CTNND2: variants seen among roughly 807,000 people sequenced by gnomAD.
CTNND2 encodes the protein catenin delta-2.
A neutral mutation model predicts 144.4 loss-of-function variants in CTNND2; 22 were observed. The observed-to-expected ratio is 0.15, with a 90% CI of 0.11 to 0.22. CTNND2 has a LOEUF of 0.22. Among genes scored for constraint, CTNND2 ranks in the 10% least tolerant of loss-of-function variants. The pLI is 1.00. For missense variants in CTNND2, 1,353 were observed against 1,618.8 expected (o/e 0.84, Z 2.82); for synonymous variants, 751 against 695.6 (o/e 1.08, Z -1.25).
At chr5:11,068,641 C>T (rs1355250222) in intron 16 of CTNND2, among the ~76,000 whole-genome samples, 3 of 152,308 alleles carry the variant, frequency 2.0e-5, no homozygotes, top group East Asian at 1.9e-4. Context: ...CTAGGCCAGG[C>T]GCGGTGGCTC....
intron 7 of CTNND2, among the ~76,000 whole-genome samples, chr5:11,366,098 G>C (rs1756956534): frequency 6.6e-6 from 1 of 152,198 alleles, no homozygotes; most frequent in Admixed American, 6.5e-5. Flanking sequence ...TGTCGGGACA[G>C]CTCTCCTTCC....
At chr5:11,822,518 T>A (rs1034868516) in intron 1 of CTNND2, among the ~76,000 whole-genome samples, 1 of 152,092 alleles carries the variant, frequency 6.6e-6, no homozygotes, top group East Asian at 1.9e-4. Flanking sequence ...AATTTCCGCA[T>A]CCTGGTATTC....
At chr5:11,831,024 A>G (rs1379179874) in intron 1 of CTNND2, among the ~76,000 whole-genome samples, 3 of 152,180 alleles carry the variant, frequency 2.0e-5, no homozygotes, top group Non-Finnish European at 4.4e-5. Flanking sequence ...TAAGACAATA[A>G]TGCAAGAAAT....
intron 15 of CTNND2, among the ~76,000 whole-genome samples, chr5:11,092,390 A>G (rs1366330402): frequency 1.3e-5 from 2 of 152,232 alleles, no homozygotes; most frequent in African/African-American, 4.8e-5. Flanking sequence ...AAATTAATGC[A>G]AAACTATTAA....
At chr5:11,708,190 G>GT (rs1273951647) in intron 2 of CTNND2, among the ~76,000 whole-genome samples, 1 of 151,858 alleles carries the variant, frequency 6.6e-6, no homozygotes, top group African/African-American at 2.4e-5. Context: ...GGGACTACAG[G>GT]TGCATGCCAC....
intron 1 of CTNND2, among the ~76,000 whole-genome samples, chr5:11,901,933 T>G (rs1737924208): frequency 6.6e-6 from 1 of 152,122 alleles, no homozygotes; most frequent in South Asian, 2.1e-4. Context: ...TGAAAGAAAT[T>G]TTATATTAAA....
chr5:11,165,371 A>G (rs1029801266), intron 11 of CTNND2, among the ~76,000 whole-genome samples: 73 of 152,206 alleles, frequency 4.8e-4, no homozygotes, highest in African/African-American at 1.7e-3. Flanking sequence ...CAATCTGAGG[A>G]AAAACTATAA....
rs878994416 is a variant in CTNND2 at position 11,541,846 on chromosome 5, C to A, written c.287+23098G>T. 8.5e-4 allele frequency among the ~76,000 whole-genome samples: 124 copies of A among 145,460 alleles called. 3 individuals are homozygous for A. Among genetic ancestry groups the A allele is most frequent in the Admixed American group, 2.6e-3 (39 of 14,782 alleles). On this transcript the variant is annotated intron_variant, in intron 3 of 21. Transcript: ENST00000304623. ...CTTATTATTTATTATCGACCCCCCC[C>A]CCCCGGCCAAAAGCCTTTTCCAACT...
chr5:11,084,353 C>T (rs1749911895), intron 15 of CTNND2, among the ~76,000 whole-genome samples: 1 of 152,280 alleles, frequency 6.6e-6, no homozygotes. Flanking sequence ...ACATGACTTC[C>T]TGTGGACACA....
chr5:11,799,579 C>CT (rs1168796091), intron 1 of CTNND2, among the ~76,000 whole-genome samples: 7 of 152,212 alleles, frequency 4.6e-5, no homozygotes, highest in Non-Finnish European at 7.4e-5. Context: ...AATATACAGA[C>CT]TTTTTTGTGG....
chr5:11,691,911 T>C (rs1453686030), intron 2 of CTNND2, among the ~76,000 whole-genome samples: 1 of 152,210 alleles, frequency 6.6e-6, no homozygotes, highest in Non-Finnish European at 1.5e-5. Flanking sequence ...AACTTAGAAA[T>C]GTTTTAGTTC....
chr5:11,061,149 G>A (rs141843608), intron 16 of CTNND2, among the ~76,000 whole-genome samples: 177 of 151,862 alleles, frequency 1.2e-3, no homozygotes, highest in African/African-American at 3.1e-3. Flanking sequence ...TGCCACTTAC[G>A]GCATTTTGTA....
At chr5:11,163,670 T>C (rs1048529913) in intron 11 of CTNND2, among the ~76,000 whole-genome samples, 7 of 152,184 alleles carry the variant, frequency 4.6e-5, no homozygotes, top group African/African-American at 1.4e-4. Context: ...ACTTTAATTC[T>C]TACTCCTCTC....
chr5:11,749,321 A>T lies in CTNND2; in HGVS notation c.38-17049T>A, dbSNP rs75764207. The stretch of plus-strand genomic sequence containing the variant: ...AGGGCAATGTGTTATGCAGCAACAG[A>T]TAACTAATATTGAGCGTAGTGACAA... On this transcript the variant is annotated intron_variant, in intron 1 of 21. Transcript: ENST00000304623. Among the ~76,000 whole-genome samples, 187 of 152,198 alleles carry T rather than the reference A, an allele frequency of 1.2e-3. 1 individual carries two copies. Among genetic ancestry groups the T allele is most frequent in the African/African-American group, 4.4e-3 (182 of 41,560 alleles).
intron 3 of CTNND2, among the ~76,000 whole-genome samples, chr5:11,422,219 T>C (rs1340878758): frequency 7.0e-6 from 1 of 142,446 alleles, no homozygotes; most frequent in African/African-American, 2.8e-5. Flanking sequence ...GTCTACCTTT[T>C]TTTCCCCCAC....
At chr5:11,141,998 T>C (rs1356853319) in intron 12 of CTNND2, among the ~76,000 whole-genome samples, 1 of 152,156 alleles carries the variant, frequency 6.6e-6, no homozygotes, top group Admixed American at 6.5e-5. Flanking sequence ...CCACTCACCC[T>C]CTGGCTCTCT....
chr5:11,854,542 A>G (rs1795166094), intron 1 of CTNND2, among the ~76,000 whole-genome samples: 1 of 152,234 alleles, frequency 6.6e-6, no homozygotes, highest in South Asian at 2.1e-4. Flanking sequence ...ATATATTCCA[A>G]GAATCTAGAA....
At chr5:11,059,977 A>AT (rs1206057091) in intron 16 of CTNND2, among the ~76,000 whole-genome samples, 1 of 151,820 alleles carries the variant, frequency 6.6e-6, no homozygotes, top group Admixed American at 6.6e-5. Context: ...GAAGTAAAAT[A>AT]TTTTTTCCTG....
At chr5:11,209,765 A>C (rs552680675) in intron 10 of CTNND2, among the ~76,000 whole-genome samples, 2 of 152,098 alleles carry the variant, frequency 1.3e-5, no homozygotes, top group African/African-American at 4.8e-5. Context: ...TACTAAAAAT[A>C]CAAAAAATTA....
Sources: allele counts gnomAD v4.1 joint callset (sites outside exome capture counted in the v4.1 genomes callset), GRCh38; gene constraint gnomAD v4.1.1; transcripts MANE v1.5; gene names NCBI Gene and HGNC (gene_info 2026-07-23, HGNC 2026-07-21).